The following TBXAS1 variants were observed in gnomAD, a reference collection of about 807,000 sequenced individuals.
TBXAS1 encodes thromboxane-A synthase.
A neutral mutation model predicts 60.7 loss-of-function variants in TBXAS1; 48 were observed. The observed-to-expected ratio is 0.79, with a 90% CI of 0.63 to 1.01. TBXAS1 has a LOEUF of 1.01. Among genes scored for constraint, TBXAS1 ranks in the 50% least tolerant of loss-of-function variants. TBXAS1 has a pLI of 0.00. For synonymous variants in TBXAS1, 287 were observed against 269.7 expected, an observed-to-expected ratio of 1.06 and a Z score of -0.63; for missense variants, 685 against 686.3, an observed-to-expected ratio of 1.00 and a Z score of 0.02.
At chr7:139,801,049 C>A (rs1023147571) in intron 4 of TBXAS1, among the ~76,000 whole-genome samples, 1 of 152,162 alleles carries the variant, frequency 6.6e-6, no homozygotes, top group Non-Finnish European at 1.5e-5. Flanking sequence ...AAAATAATGC[C>A]GCTGGCATTT....
chr7:139,797,982 G>A (rs1475138241), intron 4 of TBXAS1, among the ~76,000 whole-genome samples: 3 of 152,234 alleles, frequency 2.0e-5, no homozygotes, highest in African/African-American at 7.2e-5. Flanking sequence ...TGCATTCAAA[G>A]TGCTTAGCCT....
At chr7:140,010,414 T>C (rs184351399) in intron 10 of TBXAS1, among the ~76,000 whole-genome samples, 110 of 152,292 alleles carry the variant, frequency 7.2e-4, no homozygotes, top group African/African-American at 2.6e-3. Context: ...GCCACTGAGG[T>C]GACTCCCGGA....
intron 3 of TBXAS1, among the ~76,000 whole-genome samples, chr7:139,892,933 C>A (rs1309739078): frequency 6.6e-6 from 1 of 152,104 alleles, no homozygotes; most frequent in Non-Finnish European, 1.5e-5. Flanking sequence ...AGTCCTCTCC[C>A]CTCTTTGGGC....
intron 9 of TBXAS1, among the ~76,000 whole-genome samples, chr7:140,000,401 T>C (rs559435302): frequency 6.6e-6 from 1 of 152,218 alleles, no homozygotes; most frequent in African/African-American, 2.4e-5. Context: ...CCAGTTACTC[T>C]GGCGGCTGAG....
upstream of TBXAS1, among the ~76,000 whole-genome samples, chr7:139,824,829 C>CTTTTTTTTTTTT (rs1192880390): frequency 1.8e-4 from 7 of 38,866 alleles, no homozygotes; most frequent in Non-Finnish European, 2.0e-4. Flanking sequence ...TTTTCCTTTT[C>CTTTTTTTTTTTT]TTTTTTTTTT....
At chr7:139,829,551 C>A in intron 1 of TBXAS1, 72 bp downstream of exon 1, 1 of 1,406,398 alleles carries the variant, frequency 7.1e-7, no homozygotes, top group Non-Finnish European at 9.9e-7. Context: ...GGTGCCATGG[C>A]GGGGTATGTG....
chr7:139,966,430 A>C (rs1810794503), intron 9 of TBXAS1, among the ~76,000 whole-genome samples: 1 of 152,212 alleles, frequency 6.6e-6, no homozygotes, highest in South Asian at 2.1e-4. Flanking sequence ...AGCTGCCTTC[A>C]GGTATGGCTT....
chr7:139,987,162 C>A (rs543684941), intron 9 of TBXAS1, among the ~76,000 whole-genome samples: 1 of 152,046 alleles, frequency 6.6e-6, no homozygotes, highest in African/African-American at 2.4e-5. Flanking sequence ...GGGCTCCCCA[C>A]GGATTCCAGT....
intron 1 of TBXAS1, among the ~76,000 whole-genome samples, chr7:139,831,555 C>T (rs1585573345): frequency 6.6e-6 from 1 of 152,354 alleles, no homozygotes; most frequent in Admixed American, 6.5e-5. Context: ...TTAAACATTG[C>T]AGCACATTAG....
chr7:139,939,207 A>G (rs1188097520), intron 5 of TBXAS1, among the ~76,000 whole-genome samples: 1 of 152,080 alleles, frequency 6.6e-6, no homozygotes, highest in African/African-American at 2.4e-5. Flanking sequence ...TCTACTAAGA[A>G]TACAAAAAGT....
In TBXAS1 at chr7:140,015,873, C is replaced by G. The variant is rs775274346; in HGVS notation, c.1364+13C>G. On this transcript the variant is annotated intron_variant, in intron 11 of 12. Transcript: ENST00000448866. ...TCAACCCTGAAAGGTGAGTACTGCC[C>G]CTTTTAAAAAGCTCTGAAGGGATGT... is the stretch of plus-strand genomic sequence containing the variant. The G allele has an allele frequency of 6.2e-7, 1 of 1,613,510 alleles. No individual in the cohort carries two copies. Among genetic ancestry groups the G allele is most frequent in the South Asian group, 1.1e-5 (1 of 91,078 alleles).
chr7:139,969,457 C>CAAAAAAA (rs71170928), intron 9 of TBXAS1, among the ~76,000 whole-genome samples: 15 of 101,036 alleles, frequency 1.5e-4, no homozygotes, highest in African/African-American at 4.7e-4. Context: ...TATGTGCTTA[C>CAAAAAAA]AAAAAAAAAA....
chr7:139,864,520 A>T (rs560975641), intron 1 of TBXAS1, among the ~76,000 whole-genome samples: 100 of 152,316 alleles, frequency 6.6e-4, no homozygotes, highest in African/African-American at 2.3e-3. Context: ...AATTAATATG[A>T]AAAAGTAAGT....
chr7:140,016,161 T>G, intron 11 of TBXAS1, among the ~76,000 whole-genome samples: 1 of 151,850 alleles, frequency 6.6e-6, no homozygotes, highest in African/African-American at 2.4e-5. Context: ...ACCCCATCTC[T>G]ACTAAAAATA....
At position 139,875,637 on chromosome 7, in the gene TBXAS1, GGT is replaced by G. The variant is rs1802172094; in HGVS notation, c.236+1_236+2del. On this transcript the variant is annotated splice_donor_variant, in intron 3 of 12. Coordinates refer to ENST00000448866, the MANE Select transcript of TBXAS1 (RefSeq NM_001061.7). LOFTEE classifies it high-confidence loss of function. ...AGAAAGCTGTATGGACCTCTGTGTGGGTAAGAAGGAAACTCAACGTTTCTATT... is the reference window on the plus strand; with the variant it reads ...AGAAAGCTGTATGGACCTCTGTGTGGAAGAAGGAAACTCAACGTTTCTATT... 1 of 1,614,148 alleles carries G rather than the reference GGT, an allele frequency of 6.2e-7. No individual in the cohort carries two copies. The highest frequency in any genetic ancestry group is 8.5e-7 in the Non-Finnish European group (1 of 1,180,026).
At chr7:139,859,199 GTTTT>G (rs1221686304) in intron 1 of TBXAS1, among the ~76,000 whole-genome samples, 1 of 114,652 alleles carries the variant, frequency 8.7e-6, no homozygotes, top group African/African-American at 3.2e-5. Context: ...TTTATCGTTA[GTTTT>G]TTTTTTTTTT....
intron 9 of TBXAS1, among the ~76,000 whole-genome samples, chr7:139,967,625 C>A (rs1387306444): frequency 6.6e-6 from 1 of 152,170 alleles, no homozygotes; most frequent in African/African-American, 2.4e-5. Context: ...GAATATGATC[C>A]CCTGATTGGC....
intron 11 of TBXAS1, chr7:140,016,381 A>AT (rs1815075167): frequency 4.0e-6 from 1 of 248,070 alleles, no homozygotes; most frequent in South Asian, 4.6e-5. Context: ...TAATTATACC[A>AT]TTTTTTCAAG....
At chr7:139,950,713 C>T (rs1043308594) in intron 5 of TBXAS1, among the ~76,000 whole-genome samples, 1 of 139,934 alleles carries the variant, frequency 7.1e-6, no homozygotes, top group Non-Finnish European at 1.6e-5. Flanking sequence ...GACCCCCTCG[C>T]CCTCCATCTA....
Sources: allele counts gnomAD v4.1 joint callset (sites outside exome capture counted in the v4.1 genomes callset), GRCh38; gene constraint gnomAD v4.1.1; transcripts MANE v1.5; gene names NCBI Gene and HGNC (gene_info 2026-07-23, HGNC 2026-07-21).